The following STAG1 variants were observed in gnomAD, a reference collection of about 807,000 sequenced individuals.
STAG1 encodes the protein cohesin subunit SA-1.
In STAG1, 26 loss-of-function variants were observed where a neutral mutation model predicts 170.9. That is an observed-to-expected ratio of 0.15 (90% CI 0.11 to 0.21). The LOEUF (loss-of-function observed/expected upper bound fraction) is 0.21. Among genes scored for constraint, STAG1 ranks in the 10% least tolerant of loss-of-function variants. STAG1 has a pLI of 1.00. For synonymous variants in STAG1, 514 were observed against 497.7 expected, an observed-to-expected ratio of 1.03 and a Z score of -0.44; for missense variants, 964 against 1,509.5, an observed-to-expected ratio of 0.64 and a Z score of 5.99.
At chr3:136,466,025 A>G (rs935406264) in intron 12 of STAG1, among the ~76,000 whole-genome samples, 1 of 152,190 alleles carries the variant, frequency 6.6e-6, no homozygotes, top group Non-Finnish European at 1.5e-5. Context: ...ATCAAAGACC[A>G]AAGGTAGATA....
intron 3 of STAG1, among the ~76,000 whole-genome samples, chr3:136,606,220 A>G (rs113143776): frequency 1.2e-3 from 176 of 150,676 alleles, no homozygotes; most frequent in African/African-American, 2.5e-3. Flanking sequence ...AGGGAGTCTC[A>G]CTCTGTTGCC....
chr3:136,342,174 C>G (rs916909007), intron 30 of STAG1, among the ~76,000 whole-genome samples: 1 of 151,948 alleles, frequency 6.6e-6, no homozygotes, highest in African/African-American at 2.4e-5. Flanking sequence ...CGTGCACCAC[C>G]ACACCCAGCT....
intron 25 of STAG1, among the ~76,000 whole-genome samples, chr3:136,364,637 T>C (rs1171368076): frequency 1.3e-5 from 2 of 152,166 alleles, no homozygotes; most frequent in African/African-American, 4.8e-5. Context: ...TATAAAAAAG[T>C]AAAACACAGA....
intron 4 of STAG1, among the ~76,000 whole-genome samples, chr3:136,592,404 A>G (rs999058476): frequency 1.3e-5 from 2 of 152,076 alleles, no homozygotes; most frequent in African/African-American, 4.8e-5. Context: ...GCTGCCCTAT[A>G]AAGAGGTACC....
intron 4 of STAG1, among the ~76,000 whole-genome samples, chr3:136,577,497 C>G (rs1390372310): frequency 6.6e-6 from 1 of 152,172 alleles, no homozygotes; most frequent in Non-Finnish European, 1.5e-5. Flanking sequence ...CCCCCATCCT[C>G]CAAGTAATTC....
intron 1 of STAG1, among the ~76,000 whole-genome samples, chr3:136,680,496 A>G (rs1211369322): frequency 6.6e-6 from 1 of 152,162 alleles, no homozygotes; most frequent in Non-Finnish European, 1.5e-5. Flanking sequence ...ACGTAATACT[A>G]TTTACAAGAA....
intron 1 of STAG1, among the ~76,000 whole-genome samples, chr3:136,693,582 G>A (rs1942791690): frequency 6.6e-6 from 1 of 152,124 alleles, no homozygotes; most frequent in South Asian, 2.1e-4. Context: ...GTGCCACGTA[G>A]AGCCCTAATT....
intron 14 of STAG1, among the ~76,000 whole-genome samples, chr3:136,445,387 G>T (rs2088749117): frequency 6.6e-6 from 1 of 151,960 alleles, no homozygotes; most frequent in South Asian, 2.1e-4. Context: ...GCAGAAAAAA[G>T]AAAAATAAAT....
chr3:136,422,421 G>C lies in STAG1; in HGVS notation c.2026C>G (p.Leu676Val). ...VDRFNHSVEDLLQEGEEADDD... is the reference protein window; with the variant it reads ...VDRFNHSVEDVLQEGEEADDD... ...ACTTTAGAACAGACCTCTTGCAATAGGTCTTCCACAGAATGATTGAATCGA... is the reference window on the plus strand; with the variant it reads ...ACTTTAGAACAGACCTCTTGCAATACGTCTTCCACAGAATGATTGAATCGA... The change falls in exon 19 of 34, where the codon CTA (leucine) becomes GTA (valine). Residue 676 changes from leucine (L) to valine (V), a missense_variant. Physicochemically the swap from Leu to Val is conservative, Grantham distance 32. This residue lies in a region of STAG1 where 232 missense variants were observed against 313.0 expected (regional missense o/e 0.74). Transcript: ENST00000383202. 5.6e-6 allele frequency: 9 copies of C among 1,613,872 alleles called. No homozygotes were observed. Among genetic ancestry groups the C allele is most frequent in the Non-Finnish European group, 7.6e-6 (9 of 1,179,928 alleles).
At chr3:136,704,752 C>T (rs1308335304) in intron 1 of STAG1, among the ~76,000 whole-genome samples, 1 of 145,318 alleles carries the variant, frequency 6.9e-6, no homozygotes, top group African/African-American at 2.5e-5. Flanking sequence ...TCGCTTGAGC[C>T]TGGGGGGTTG....
At chr3:136,589,027 T>C (rs1295191935) in intron 4 of STAG1, among the ~76,000 whole-genome samples, 1 of 152,126 alleles carries the variant, frequency 6.6e-6, no homozygotes, top group African/African-American at 2.4e-5. Context: ...TCCCAAAGTG[T>C]TGGGATTACA....
chr3:136,426,358 G>A (rs1390055000), intron 16 of STAG1, among the ~76,000 whole-genome samples: 1 of 152,172 alleles, frequency 6.6e-6, no homozygotes, highest in Non-Finnish European at 1.5e-5. Context: ...CCTGCAGTGA[G>A]CCGAGATCGC....
chr3:136,337,397 A>G lies in STAG1; in HGVS notation c.*857T>C, dbSNP rs1370543119. 6.6e-6 allele frequency: 1 copy of G among 152,626 alleles called. No homozygotes were observed. The highest frequency in any genetic ancestry group is 1.9e-4 in the East Asian group (1 of 5,198). The allele number at this position is 152,626 out of a possible 1,614,324, so 9.5% of individuals were successfully genotyped here. ...ACAGCAAACTGATAACTTGAGAATCATTTTCGTTTTACTGAGAATACTTTA... is the reference window on the plus strand; with the variant it reads ...ACAGCAAACTGATAACTTGAGAATCGTTTTCGTTTTACTGAGAATACTTTA... On this transcript the variant is annotated 3_prime_UTR_variant, in exon 34 of 34. Transcript: ENST00000383202.
At chr3:136,358,764 G>C (rs1257668952) in intron 27 of STAG1, among the ~76,000 whole-genome samples, 1 of 151,944 alleles carries the variant, frequency 6.6e-6, no homozygotes, top group Non-Finnish European at 1.5e-5. Context: ...GCAGGAGACA[G>C]GGTCTTACTG....
intron 25 of STAG1, among the ~76,000 whole-genome samples, chr3:136,365,739 G>A (rs1200289391): frequency 1.3e-5 from 2 of 152,060 alleles, no homozygotes; most frequent in East Asian, 3.9e-4. Context: ...ATGGTCACTG[G>A]AAGCAAGCAG....
intron 5 of STAG1, among the ~76,000 whole-genome samples, chr3:136,552,014 T>G (rs1410911685): frequency 6.6e-6 from 1 of 152,172 alleles, no homozygotes; most frequent in African/African-American, 2.4e-5. Flanking sequence ...TCCTGTTCTC[T>G]GCATACCCAA....
chr3:136,525,522 G>C (rs1393425678), intron 6 of STAG1, among the ~76,000 whole-genome samples: 1 of 151,810 alleles, frequency 6.6e-6, no homozygotes, highest in African/African-American at 2.4e-5. Context: ...GTCTATCAAT[G>C]TTGTTGATCT....
chr3:136,702,648 A>G (rs1943117224), intron 1 of STAG1, among the ~76,000 whole-genome samples: 2 of 152,176 alleles, frequency 1.3e-5, no homozygotes, highest in Admixed American at 6.5e-5. Context: ...GGCCTCCCAA[A>G]GTGCTGGAAT....
chr3:136,496,945 A>C (rs1326603848), intron 9 of STAG1, among the ~76,000 whole-genome samples: 1 of 152,020 alleles, frequency 6.6e-6, no homozygotes, highest in Non-Finnish European at 1.5e-5. Context: ...AGAGATGTTA[A>C]ATTACCAATA....
Sources: allele counts gnomAD v4.1 joint callset (sites outside exome capture counted in the v4.1 genomes callset), GRCh38; gene constraint gnomAD v4.1.1; regional missense constraint gnomAD v4.1.1; transcripts MANE v1.5; gene names NCBI Gene and HGNC (gene_info 2026-07-23, HGNC 2026-07-21).